MBNL2: variants seen among roughly 807,000 people sequenced by gnomAD.
MBNL2 encodes the protein muscleblind like splicing regulator 2.
Under a neutral mutation model 41.9 loss-of-function variants are expected in MBNL2, and 17 were observed. The ratio of observed to expected loss-of-function variants is 0.41; its 90% CI spans 0.28 to 0.61. The LOEUF is 0.61. Among genes scored for constraint, MBNL2 ranks in the 20% least tolerant of loss-of-function variants. The probability of loss-of-function intolerance (pLI) is 0.35; values close to 1 mark genes in which losing one functional copy is unlikely to be tolerated. For synonymous variants in MBNL2, 195 were observed against 182.9 expected (o/e 1.07, Z -0.53); for missense variants, 336 against 505.6 (o/e 0.66, Z 3.22).
At chr13:97,185,128 T>C in the MBNL2 span, among the ~76,000 whole-genome samples, 1 of 152,090 alleles carries the variant, frequency 6.6e-6, no homozygotes, top group Non-Finnish European at 1.5e-5. Context: ...CCTTAAGTTA[T>C]GATGATATTT....
the MBNL2 span, among the ~76,000 whole-genome samples, chr13:97,186,024 C>G: frequency 6.6e-6 from 1 of 152,166 alleles, no homozygotes; most frequent in Non-Finnish European, 1.5e-5. Flanking sequence ...GGTTTAGATT[C>G]GTGAGCCAGA....
intron 1 of MBNL2, among the ~76,000 whole-genome samples, chr13:97,259,421 C>T (rs181088152): frequency 6.6e-6 from 1 of 152,338 alleles, no homozygotes; most frequent in Non-Finnish European, 1.5e-5. Context: ...CTCCTCAAGG[C>T]GCTGAGTGCT....
intron 2 of MBNL2, among the ~76,000 whole-genome samples, chr13:97,333,082 G>A (rs1005005774): frequency 6.6e-6 from 1 of 152,112 alleles, no homozygotes; most frequent in Admixed American, 6.6e-5. Context: ...TTAGAATTAG[G>A]ATGACTATAA....
the MBNL2 span, among the ~76,000 whole-genome samples, chr13:97,189,013 G>C: frequency 6.6e-6 from 1 of 151,784 alleles, no homozygotes; most frequent in South Asian, 2.1e-4. Context: ...CCTCCATCTA[G>C]GGAGACTTTG....
In MBNL2 at chr13:97,252,643, A is replaced by G. The variant is rs555358833; in HGVS notation, c.-604-22989A>G. On this transcript the variant is annotated intron_variant, in intron 1 of 8. Transcript: ENST00000679496. ...TTTATAAAGTTATTATAAATGAAAT[A>G]TTTTTCTATTATATATTCTACTTGA... 1.8e-4 allele frequency among the ~76,000 whole-genome samples: 28 copies of G among 152,222 alleles called. No homozygotes were observed. In the South Asian group the frequency reaches 5.4e-3, roughly 29 times the overall value.
At chr13:97,166,263 A>T in the MBNL2 span, among the ~76,000 whole-genome samples, 3 of 152,264 alleles carry the variant, frequency 2.0e-5, no homozygotes, top group Non-Finnish European at 2.9e-5. Context: ...GTATGAACTG[A>T]AAACAATCCT....
chr13:97,356,914 T>G (rs1343424421), intron 6 of MBNL2, 65 bp downstream of exon 6: 1 of 1,057,584 alleles, frequency 9.5e-7, no homozygotes, highest in African/African-American at 1.6e-5. Flanking sequence ...AGATTTGTAT[T>G]ACTTGTAAAA....
chr13:97,208,811 C>T, the MBNL2 span, among the ~76,000 whole-genome samples: 2 of 152,114 alleles, frequency 1.3e-5, no homozygotes, highest in Non-Finnish European at 2.9e-5. Context: ...GTGTACTATA[C>T]AACTCCAGCG....
chr13:97,238,951 G>T (rs2043788641), intron 1 of MBNL2, among the ~76,000 whole-genome samples: 1 of 152,142 alleles, frequency 6.6e-6, no homozygotes, highest in South Asian at 2.1e-4. Context: ...TGTGAAGGAA[G>T]GTGGTGAGGT....
At chr13:97,144,423 CTTTTTTTTTTTT>C in the MBNL2 span, among the ~76,000 whole-genome samples, 2 of 118,108 alleles carry the variant, frequency 1.7e-5, no homozygotes, top group African/African-American at 4.0e-5. Context: ...CATGATACTT[CTTTTTTTTTTTT>C]TTTTTTTTTT....
intron 2 of MBNL2, among the ~76,000 whole-genome samples, chr13:97,308,427 C>T (rs2058310475): frequency 6.6e-6 from 1 of 152,214 alleles, no homozygotes; most frequent in Non-Finnish European, 1.5e-5. Flanking sequence ...GGTCATCCCT[C>T]TGGCCATCTG....
chr13:97,389,742 G>A (rs1287331841), intron 8 of MBNL2, among the ~76,000 whole-genome samples: 1 of 151,292 alleles, frequency 6.6e-6, no homozygotes, highest in African/African-American at 2.4e-5. Flanking sequence ...GAAAGAAACT[G>A]CAATTTTTTT....
At chr13:97,263,186 G>A (rs901058251) in intron 1 of MBNL2, among the ~76,000 whole-genome samples, 8 of 152,074 alleles carry the variant, frequency 5.3e-5, no homozygotes, top group Admixed American at 2.0e-4. Flanking sequence ...TAACACCTCC[G>A]TTTTGTTCTC....
the MBNL2 span, among the ~76,000 whole-genome samples, chr13:97,152,387 TACAAC>T: frequency 1.3e-5 from 2 of 151,596 alleles, no homozygotes; most frequent in African/African-American, 4.8e-5. Flanking sequence ...ATCCAAGAAA[TACAAC>T]AAATAAAATT....
the MBNL2 span, among the ~76,000 whole-genome samples, chr13:97,214,060 G>A: frequency 1.1e-4 from 16 of 152,228 alleles, no homozygotes; most frequent in East Asian, 3.1e-3. Flanking sequence ...CTTCTGAACC[G>A]TTGAAGAACA....
chr13:97,162,833 T>C, the MBNL2 span, among the ~76,000 whole-genome samples: 1 of 152,200 alleles, frequency 6.6e-6, no homozygotes, highest in Non-Finnish European at 1.5e-5. Flanking sequence ...TATTTTTGAA[T>C]GACTAGCTAA....
intron 5 of MBNL2, among the ~76,000 whole-genome samples, chr13:97,355,864 G>A (rs1326824396): frequency 1.3e-5 from 2 of 152,100 alleles, no homozygotes; most frequent in Admixed American, 1.3e-4. Flanking sequence ...CTCACTGATT[G>A]TAGCTAAAAG....
the MBNL2 span, among the ~76,000 whole-genome samples, chr13:97,176,454 C>A: frequency 1.3e-5 from 2 of 152,016 alleles, no homozygotes; most frequent in African/African-American, 2.4e-5. Context: ...CCTTAATTTC[C>A]ACAGTAGATG....
chr13:97,204,982 C>G, the MBNL2 span, among the ~76,000 whole-genome samples: 25,314 of 151,634 alleles, frequency 0.17, 2,796 homozygotes, highest in African/African-American at 0.32. Context: ...GACCATCCTG[C>G]CCAACATGGT....
Sources: allele counts gnomAD v4.1 joint callset (sites outside exome capture counted in the v4.1 genomes callset), GRCh38; gene constraint gnomAD v4.1.1; transcripts MANE v1.5; gene names NCBI Gene and HGNC (gene_info 2026-07-23, HGNC 2026-07-21).